Variants in GATAD1 observed in about 807,000 individuals in gnomAD.
GATAD1 encodes the protein GATA zinc finger domain containing 1.
Under a neutral mutation model 26.5 loss-of-function variants are expected in GATAD1, and 12 were observed. That is an observed-to-expected ratio of 0.45 (90% CI 0.29 to 0.73). GATAD1 has a LOEUF of 0.73. Among genes scored for constraint, GATAD1 ranks in the 30% least tolerant of loss-of-function variants. The probability of loss-of-function intolerance (pLI) is 0.10; values close to 1 mark genes in which losing one functional copy is unlikely to be tolerated. For synonymous variants in GATAD1, 129 were observed against 133.1 expected, an observed-to-expected ratio of 0.97 and a Z score of 0.21; for missense variants, 266 against 342.1, an observed-to-expected ratio of 0.78 and a Z score of 1.75.
the GATAD1 span, chr7:92,494,571 GAGGAGCA>G: frequency 5.6e-6 from 9 of 1,613,888 alleles, no homozygotes; most frequent in Non-Finnish European, 7.6e-6. Context: ...TGACCCCGCC[GAGGAGCA>G]ATGGATTCAA....
the GATAD1 span, among the ~76,000 whole-genome samples, chr7:92,481,175 A>T: frequency 2.0e-5 from 3 of 152,186 alleles, no homozygotes; most frequent in Admixed American, 6.5e-5. Flanking sequence ...AATGTGATCA[A>T]CATGAGGAAC....
At chr7:92,490,083 A>G in the GATAD1 span, 1 of 649,208 alleles carries the variant, frequency 1.5e-6, no homozygotes, top group Non-Finnish European at 2.7e-6. Flanking sequence ...ATCTTTTATA[A>G]AGGTTCACTG....
At chr7:92,481,002 C>G in the GATAD1 span, among the ~76,000 whole-genome samples, 4 of 152,102 alleles carry the variant, frequency 2.6e-5, no homozygotes, top group Admixed American at 2.6e-4. Flanking sequence ...AGTCCCTTTG[C>G]AAGAGTGAAG....
At chr7:92,490,404 G>A in the GATAD1 span, among the ~76,000 whole-genome samples, 2 of 152,096 alleles carry the variant, frequency 1.3e-5, no homozygotes, top group Non-Finnish European at 2.9e-5. Context: ...GGAGGTCAAG[G>A]CACGCAGATA....
chr7:92,489,460 A>G, the GATAD1 span: 1 of 1,588,158 alleles, frequency 6.3e-7, no homozygotes, highest in African/African-American at 1.3e-5. Context: ...GAGTTAAATT[A>G]AGGATGTAAA....
At position 92,459,827 on chromosome 7, in the gene GATAD1, C is replaced by G. The variant is rs1329197579; in HGVS notation, c.*3265C>G. Among the ~76,000 whole-genome samples, 1 of 152,114 alleles carries G rather than the reference C, an allele frequency of 6.6e-6. No homozygotes were observed. The highest frequency in any genetic ancestry group is 1.5e-5 in the Non-Finnish European group (1 of 68,032). On this transcript the variant is annotated 3_prime_UTR_variant, in exon 5 of 5. Coordinates refer to ENST00000287957, the MANE Select transcript of GATAD1 (RefSeq NM_021167.5). ...CCCCGGTTCTTGCTTATGGGAGATG[C>G]TGATTGTAGGGTCTGAGTTAGATAC...
At chr7:92,490,639 A>G in the GATAD1 span, among the ~76,000 whole-genome samples, 1 of 151,786 alleles carries the variant, frequency 6.6e-6, no homozygotes, top group African/African-American at 2.4e-5. Flanking sequence ...TCTCAAAAAA[A>G]AAAAAAAAAA....
In GATAD1 at chr7:92,447,806, G is replaced by A. The variant is rs560444765; in HGVS notation, c.77G>A (p.Gly26Glu). The A allele has an allele frequency of 2.0e-6, 3 of 1,491,950 alleles. No homozygotes were observed. Among genetic ancestry groups the A allele is most frequent in the East Asian group, 6.0e-5 (2 of 33,318 alleles). The allele number at this position is 1,491,950 out of a possible 1,614,324, so 92.4% of individuals were successfully genotyped here. The change falls in exon 1 of 5, where the codon GGG becomes GAG. Residue 26 changes from glycine (G) to glutamate (E), a missense_variant. Gly to Glu is a moderately conservative substitution (Grantham distance 98). Transcript: ENST00000287957. ...TCCATGTGGAAGAAGGGAGCGCAGG[G>A]GGAGATCCTCTGCCATCATTGCACT... is the stretch of plus-strand genomic sequence containing the variant. ...SSSMWKKGAQ[G>E]EILCHHCTGR...
downstream of GATAD1, among the ~76,000 whole-genome samples, chr7:92,461,749 G>C (rs1002362891): frequency 6.6e-6 from 1 of 152,174 alleles, no homozygotes; most frequent in African/African-American, 2.4e-5. Context: ...ATTCCTCTCT[G>C]TGGGCCTCCA....
Position 92,456,653 on chromosome 7 carries a change from T to C in GATAD1, c.*91T>C. The stretch of plus-strand genomic sequence containing the variant: ...CACCACTGCTCTCCAAGCTGGGCAA[T>C]GGAGTCAGATTCTCTTTCTTAAAAA... On this transcript the variant is annotated 3_prime_UTR_variant, in exon 5 of 5. Coordinates refer to ENST00000287957, the MANE Select transcript of GATAD1 (RefSeq NM_021167.5). 2.8e-6 allele frequency: 2 copies of C among 701,964 alleles called. No homozygotes were observed. The highest frequency in any genetic ancestry group is 4.7e-6 in the Non-Finnish European group (2 of 424,860). The allele number at this position is 701,964 out of a possible 1,614,324, so 43.5% of individuals were successfully genotyped here.
In GATAD1 at chr7:92,459,566, A is replaced by G. The variant is rs1789839834; in HGVS notation, c.*3004A>G. On this transcript the variant is annotated 3_prime_UTR_variant, in exon 5 of 5. Transcript: ENST00000287957. ...TGCCCGCCCAATTTTTCTGGCTCTG[A>G]GTCCTTGTTCATACTGTTCTCTCCA... 1 of 152,166 alleles carries G rather than the reference A, an allele frequency of 6.6e-6. No individual in the cohort carries two copies. The highest frequency in any genetic ancestry group is 2.1e-4 in the South Asian group (1 of 4,820). The allele number at this position is 152,166 out of a possible 1,614,324, so 9.4% of individuals were successfully genotyped here. A position where few individuals can be genotyped will look rare whatever the true frequency, so the allele number is the denominator to read the frequency against.
chr7:92,491,263 A>G, the GATAD1 span: 1 of 1,550,848 alleles, frequency 6.4e-7, no homozygotes, highest in South Asian at 1.1e-5. Context: ...TGATGACTGC[A>G]CAAGATACCA....
chr7:92,491,011 C>G, the GATAD1 span, among the ~76,000 whole-genome samples: 5 of 152,204 alleles, frequency 3.3e-5, no homozygotes, highest in African/African-American at 9.7e-5. Flanking sequence ...TTTAAAGCCA[C>G]TAGGTAAGAG....
chr7:92,449,772 G>A (rs1214989103), intron 2 of GATAD1: 12 of 202,430 alleles, frequency 5.9e-5, no homozygotes, highest in Non-Finnish European at 8.7e-5. Context: ...ATAGGTATAC[G>A]TGCCATGGTG....
At chr7:92,465,589 G>C in the GATAD1 span, among the ~76,000 whole-genome samples, 3 of 151,360 alleles carry the variant, frequency 2.0e-5, no homozygotes, top group African/African-American at 7.3e-5. Context: ...TTGCACTCTA[G>C]CCTGGATGAC....
At chr7:92,453,403 C>T (rs958275979) in intron 3 of GATAD1, among the ~76,000 whole-genome samples, 2 of 152,156 alleles carry the variant, frequency 1.3e-5, no homozygotes, top group African/African-American at 4.8e-5. Context: ...GGGAAGAGGA[C>T]ATAGGATGGA....
In GATAD1 at chr7:92,456,429, C is replaced by A; in HGVS notation, c.677C>A (p.Pro226His). The A allele has an allele frequency of 1.9e-6, 3 of 1,613,034 alleles. No individual in the cohort carries two copies. Among genetic ancestry groups the A allele is most frequent in the Non-Finnish European group, 2.5e-6 (3 of 1,179,012 alleles). ...MEYLEFVCHA[P>H]SEYFKSRSSP... ...TACTTGGAATTTGTTTGTCATGCAC[C>A]TTCTGAGTATTTCAAGTCACGGTCA... Residue 226 changes from proline to histidine, a missense_variant, in exon 5 of 5, where the codon CCT becomes CAT. Transcript: ENST00000287957.
the GATAD1 span, chr7:92,489,694 T>G: frequency 1.2e-6 from 2 of 1,601,182 alleles, no homozygotes; most frequent in Non-Finnish European, 1.7e-6. Context: ...ACAATTATAA[T>G]GAGGGGGAAA....
rs1789208088 is a variant in GATAD1, at chr7:92,447,660, G to C, written c.-70G>C. ...ATCGCCGGGAGTGGCGGGCCGACCA[G>C]GGGGCGGCCGGGCTACCGTCCGCCA... On this transcript the variant is annotated 5_prime_UTR_variant, in exon 1 of 5. Transcript: ENST00000287957. The C allele has an allele frequency of 2.2e-6, 3 of 1,337,278 alleles. No homozygotes were observed. Among genetic ancestry groups the C allele is most frequent in the Non-Finnish European group, 1.9e-6 (2 of 1,042,402 alleles). The allele number at this position is 1,337,278 out of a possible 1,614,324, so 82.8% of individuals were successfully genotyped here.
Sources: allele counts gnomAD v4.1 joint callset (sites outside exome capture counted in the v4.1 genomes callset), GRCh38; gene constraint gnomAD v4.1.1; transcripts MANE v1.5; gene names NCBI Gene and HGNC (gene_info 2026-07-23, HGNC 2026-07-21).